ZNF385D: variants seen among roughly 807,000 people sequenced by gnomAD.
ZNF385D encodes the protein zinc finger protein 385D, also known as zinc finger protein 659.
Under a neutral mutation model 35.8 loss-of-function variants are expected in ZNF385D, and 15 were observed. The observed-to-expected ratio is 0.42, with a 90% CI of 0.28 to 0.64. ZNF385D has a LOEUF of 0.64. Among genes scored for constraint, ZNF385D ranks in the 30% least tolerant of loss-of-function variants. ZNF385D has a pLI of 0.23. For missense variants in ZNF385D, 474 were observed against 494.6 expected (o/e 0.96, Z 0.39); for synonymous variants, 212 against 186.8 (o/e 1.13, Z -1.10).
chr3:22,156,895 C>T (rs1247390832), intron 3 of ZNF385D, among the ~76,000 whole-genome samples: 3 of 152,100 alleles, frequency 2.0e-5, no homozygotes, highest in South Asian at 2.1e-4. Context: ...TTTTGCTTTA[C>T]CCACTTCATT....
intron 2 of ZNF385D, among the ~76,000 whole-genome samples, chr3:22,297,159 T>C (rs188182302): frequency 1.3e-5 from 2 of 152,210 alleles, no homozygotes; most frequent in East Asian, 1.9e-4. Context: ...CACTAGAATA[T>C]GGTGGTACAG....
intron 3 of ZNF385D, among the ~76,000 whole-genome samples, chr3:22,116,335 C>G (rs1359172902): frequency 6.6e-6 from 1 of 151,992 alleles, no homozygotes; most frequent in African/African-American, 2.4e-5. Context: ...GTAACACATT[C>G]AGCAGTCAAC....
intron 3 of ZNF385D, among the ~76,000 whole-genome samples, chr3:22,114,146 C>T (rs1702687233): frequency 1.3e-5 from 2 of 152,034 alleles, no homozygotes; most frequent in Admixed American, 1.3e-4. Context: ...CACAAAACTT[C>T]ATCTAAATGT....
At chr3:22,144,373 A>C (rs1704711447) in intron 3 of ZNF385D, among the ~76,000 whole-genome samples, 1 of 152,204 alleles carries the variant, frequency 6.6e-6, no homozygotes, top group Middle Eastern at 3.4e-3. Context: ...CAGGAGTTTG[A>C]GACTAGCCTG....
chr3:21,936,823 T>C lies in ZNF385D; in HGVS notation c.325+231994A>G, dbSNP rs143010726. On this transcript the variant is annotated intron_variant, in intron 3 of 5. Transcript: ENST00000494108. ...TTATTTACCTCATTGTGCTGAAAAA[T>C]AAAATAAAAGTCTGTAAACTTCCTG... Among the ~76,000 whole-genome samples the C allele has an allele frequency of 1.9e-3, 293 of 152,128 alleles. 1 individual carries two copies. Among genetic ancestry groups the C allele is most frequent in the African/African-American group, 6.8e-3 (281 of 41,528 alleles).
chr3:21,981,091 G>C (rs1432205944), intron 3 of ZNF385D, among the ~76,000 whole-genome samples: 1 of 152,084 alleles, frequency 6.6e-6, no homozygotes, highest in Non-Finnish European at 1.5e-5. Context: ...ATAATAATAG[G>C]ACTGCTGGGT....
chr3:21,871,985 C>T (rs770560012), intron 3 of ZNF385D, among the ~76,000 whole-genome samples: 5 of 151,220 alleles, frequency 3.3e-5, no homozygotes, highest in Non-Finnish European at 7.4e-5. Flanking sequence ...CAACAAAGAG[C>T]GAAACTCTGT....
At chr3:21,960,035 A>G (rs946939045) in intron 3 of ZNF385D, among the ~76,000 whole-genome samples, 1 of 151,988 alleles carries the variant, frequency 6.6e-6, no homozygotes, top group African/African-American at 2.4e-5. Context: ...AAAAAAAAAA[A>G]AAAAGACAAA....
intron 3 of ZNF385D, among the ~76,000 whole-genome samples, chr3:21,892,146 A>G (rs920587057): frequency 2.6e-5 from 4 of 152,176 alleles, no homozygotes; most frequent in Non-Finnish European, 5.9e-5. Context: ...AAATATCACT[A>G]CAAGCAATGG....
intron 2 of ZNF385D, among the ~76,000 whole-genome samples, chr3:22,228,847 G>T (rs1014535673): frequency 1.3e-5 from 2 of 152,186 alleles, no homozygotes; most frequent in African/African-American, 4.8e-5. Context: ...TTTTTCCCAT[G>T]TTGGATATTT....
intron 1 of ZNF385D, among the ~76,000 whole-genome samples, chr3:21,746,700 T>G (rs1220022052): frequency 1.3e-5 from 2 of 152,196 alleles, no homozygotes; most frequent in African/African-American, 4.8e-5. Context: ...TGTTTAGAAA[T>G]AGTCGAGTGG....
chr3:22,142,777 G>T (rs1377879346), intron 3 of ZNF385D, among the ~76,000 whole-genome samples: 1 of 151,722 alleles, frequency 6.6e-6, no homozygotes, highest in Non-Finnish European at 1.5e-5. Flanking sequence ...AGGTCACATG[G>T]GTCTGCCTGT....
intron 3 of ZNF385D, among the ~76,000 whole-genome samples, chr3:21,868,247 T>C (rs1351621825): frequency 6.6e-6 from 1 of 152,098 alleles, no homozygotes; most frequent in African/African-American, 2.4e-5. Context: ...AGACAATCCA[T>C]ATACAAATGG....
intron 2 of ZNF385D, among the ~76,000 whole-genome samples, chr3:22,329,492 G>A (rs753720081): frequency 1.3e-5 from 2 of 151,992 alleles, no homozygotes; most frequent in Non-Finnish European, 2.9e-5. Flanking sequence ...CCTAAGTATA[G>A]CTTTACTTAC....
At chr3:21,578,387 C>T (rs1037440253) in intron 2 of ZNF385D, among the ~76,000 whole-genome samples, 3 of 152,112 alleles carry the variant, frequency 2.0e-5, no homozygotes, top group Non-Finnish European at 4.4e-5. Flanking sequence ...AAGTCTTATA[C>T]ATAAAATCTT....
chr3:22,168,028 T>A (rs1167182711), intron 3 of ZNF385D, among the ~76,000 whole-genome samples: 1 of 152,204 alleles, frequency 6.6e-6, no homozygotes, highest in Non-Finnish European at 1.5e-5. Context: ...AAAATCTTTA[T>A]GATGTCAAAT....
At chr3:21,458,201 G>T (rs754160809) in intron 4 of ZNF385D, among the ~76,000 whole-genome samples, 5 of 151,930 alleles carry the variant, frequency 3.3e-5, no homozygotes, top group Non-Finnish European at 7.4e-5. Flanking sequence ...GGCTGGGCTC[G>T]GTTGCTCATA....
chr3:22,082,654 T>G (rs1576287151), intron 3 of ZNF385D, among the ~76,000 whole-genome samples: 1 of 152,262 alleles, frequency 6.6e-6, no homozygotes, highest in Non-Finnish European at 1.5e-5. Flanking sequence ...AGCAGAAACG[T>G]CTGCAGACTT....
intron 3 of ZNF385D, among the ~76,000 whole-genome samples, chr3:22,083,368 C>T (rs1025814568): frequency 6.6e-6 from 1 of 152,178 alleles, no homozygotes; most frequent in Non-Finnish European, 1.5e-5. Flanking sequence ...CTAGAATAAA[C>T]AGCATAGAGA....
Sources: gnomAD v4.1 joint callset for allele counts (sites outside exome capture counted in the v4.1 genomes callset) on GRCh38, gnomAD v4.1.1 for gene constraint, MANE v1.5 for transcripts, NCBI Gene and HGNC (gene_info 2026-07-23, HGNC 2026-07-21) for gene names.